The following THSD4 variants were observed in gnomAD, a reference collection of about 807,000 sequenced individuals.
THSD4 encodes the protein thrombospondin type-1 domain-containing protein 4.
THSD4 carries 69 observed loss-of-function variants against 119.0 expected under a neutral mutation model. The observed-to-expected ratio is 0.58, with a 90% CI of 0.48 to 0.71. THSD4 has a LOEUF of 0.71. Among genes scored for constraint, THSD4 ranks in the 30% least tolerant of loss-of-function variants. The pLI is 0.00. For missense variants in THSD4, 1,393 were observed against 1,391.1 expected (o/e 1.00, Z -0.02); for synonymous variants, 524 against 540.4 (o/e 0.97, Z 0.42).
rs1045233877 is a variant in THSD4, at chr15:71,396,111, C to T, written c.1016-15576C>T. On this transcript the variant is annotated intron_variant, in intron 6 of 17. Transcript: ENST00000261862. ...GTGTACCAATAGACTCTGAATGAAA[C>T]GTGTGGATGTGCACACACATATCTA... Among the ~76,000 whole-genome samples, 8 of 152,024 alleles carry T rather than the reference C, an allele frequency of 5.3e-5. No individual in the cohort carries two copies. In the East Asian group the frequency reaches 1.2e-3, roughly 22 times the overall value.
At chr15:71,674,021 C>T (rs533372543) in intron 8 of THSD4, among the ~76,000 whole-genome samples, 1 of 152,326 alleles carries the variant, frequency 6.6e-6, no homozygotes, top group African/African-American at 2.4e-5. Context: ...GGAGTAGTTG[C>T]CTCTTCCCAG....
At chr15:71,139,512 T>C (rs2040581817) in intron 1 of THSD4, among the ~76,000 whole-genome samples, 2 of 152,196 alleles carry the variant, frequency 1.3e-5, no homozygotes, top group Non-Finnish European at 2.9e-5. Flanking sequence ...TCCTGGTGGA[T>C]CTCAGTGTAA....
chr15:71,651,456 A>G (rs2051087589), intron 7 of THSD4, among the ~76,000 whole-genome samples: 1 of 151,966 alleles, frequency 6.6e-6, no homozygotes, highest in Admixed American at 6.6e-5. Context: ...AAGATCCCAC[A>G]CTTTCGTTGC....
At chr15:71,431,675 A>C (rs976577289) in intron 7 of THSD4, among the ~76,000 whole-genome samples, 20 of 152,168 alleles carry the variant, frequency 1.3e-4, no homozygotes, top group African/African-American at 4.1e-4. Context: ...TACAGACAGA[A>C]ACGTGGTCTT....
In THSD4 at chr15:71,665,723, A is replaced by G. The variant is rs531258993; in HGVS notation, c.1357+4989A>G. The stretch of plus-strand genomic sequence containing the variant: ...TTCAATCTTCTCCATATGGCTAGCC[A>G]GTTCTCCCAGGACCACTTATTGAAT... On this transcript the variant is annotated intron_variant, in intron 8 of 17. Coordinates refer to ENST00000261862, the MANE Select transcript of THSD4 (RefSeq NM_024817.3). Among the ~76,000 whole-genome samples the G allele has an allele frequency of 3.3e-5, 5 of 152,304 alleles. No homozygotes were observed. The East Asian group carries it at 9.6e-4, about 29-fold the overall frequency.
chr15:71,391,023 C>T (rs2046370148), intron 6 of THSD4, among the ~76,000 whole-genome samples: 2 of 128,690 alleles, frequency 1.6e-5, no homozygotes, highest in African/African-American at 3.0e-5. Flanking sequence ...ACCATGCCGG[C>T]TAATTTTTTT....
At chr15:71,163,247 A>G (rs2043263136) in intron 3 of THSD4, among the ~76,000 whole-genome samples, 1 of 151,412 alleles carries the variant, frequency 6.6e-6, no homozygotes. Context: ...ATCTAGTAAA[A>G]CAGTCATTTT....
intron 3 of THSD4, chr15:71,184,173 C>G (rs796660190): frequency 3.3e-5 from 5 of 151,912 alleles, no homozygotes; most frequent in African/African-American, 1.2e-4. Context: ...GGAGGGGCTC[C>G]TCTTTAAAGT....
At chr15:71,416,189 C>T (rs577806041) in intron 7 of THSD4, among the ~76,000 whole-genome samples, 2 of 152,206 alleles carry the variant, frequency 1.3e-5, no homozygotes. Context: ...TCTCATTCTT[C>T]TTTGTGTCTA....
intron 7 of THSD4, among the ~76,000 whole-genome samples, chr15:71,553,557 C>A (rs575153691): frequency 9.1e-4 from 138 of 152,260 alleles, no homozygotes; most frequent in African/African-American, 3.2e-3. Context: ...GAGCTCCTGA[C>A]CTCAGGTGAT....
At chr15:71,363,718 T>C (rs985715630) in intron 6 of THSD4, among the ~76,000 whole-genome samples, 4 of 152,172 alleles carry the variant, frequency 2.6e-5, no homozygotes, top group South Asian at 2.1e-4. Context: ...TCATCAGGTA[T>C]GCGGAAAGGA....
intron 7 of THSD4, among the ~76,000 whole-genome samples, chr15:71,415,645 T>G (rs563631630): frequency 6.6e-6 from 1 of 152,294 alleles, no homozygotes; most frequent in African/African-American, 2.4e-5. Context: ...TTTCTATTTT[T>G]TTGTACCCAT....
At chr15:71,766,867 A>C (rs2053724534) in intron 16 of THSD4, 1 of 151,084 alleles carries the variant, frequency 6.6e-6, no homozygotes, top group African/African-American at 2.4e-5. Flanking sequence ...TTGCTAAGTA[A>C]AAAAAAAAGC....
Position 71,636,850 on chromosome 15 carries a change from G to A in THSD4, c.1153-23680G>A, listed in dbSNP as rs376232283. On this transcript the variant is annotated intron_variant, in intron 7 of 17. Transcript: ENST00000261862. ...AGGCATGTGAGAAATCTACAGGCTT[G>A]ACATCTGTGGGCCAGGCGCTCTCTC... 2.6e-5 allele frequency among the ~76,000 whole-genome samples: 4 copies of A among 151,832 alleles called. No homozygotes were observed. In the South Asian group the frequency reaches 6.3e-4, roughly 24 times the overall value.
chr15:71,112,806 A>T (rs2141345702), upstream of THSD4, among the ~76,000 whole-genome samples: 1 of 152,370 alleles, frequency 6.6e-6, no homozygotes, highest in African/African-American at 2.4e-5. Flanking sequence ...ATATAACAGG[A>T]CTGAAAGATT....
At position 71,341,749 on chromosome 15, in the gene THSD4, T is replaced by G. The variant is rs750831082; in HGVS notation, c.1016-69938T>G. ...ACCTCAGGCTGCTTAGGAAAAGAGCTCTCTCCCTTTTCTTCCTTTTTTCTC... is the reference window on the plus strand; with the variant it reads ...ACCTCAGGCTGCTTAGGAAAAGAGCGCTCTCCCTTTTCTTCCTTTTTTCTC... On this transcript the variant is annotated intron_variant, in intron 6 of 17. Transcript: ENST00000261862. 51 of 862,652 alleles carry G rather than the reference T, an allele frequency of 5.9e-5. 1 individual carries two copies. The highest frequency in any genetic ancestry group is 8.5e-5 in the Non-Finnish European group (42 of 494,988). 53.4% of individuals were successfully genotyped at this position (862,652 alleles called of 1,614,324 possible). A position where few individuals can be genotyped will look rare whatever the true frequency, so the allele number is the denominator to read the frequency against.
intron 7 of THSD4, among the ~76,000 whole-genome samples, chr15:71,592,735 G>T (rs1405131439): frequency 6.6e-6 from 1 of 152,008 alleles, no homozygotes; most frequent in African/African-American, 2.4e-5. Flanking sequence ...CTGCCTCTAG[G>T]TTGAGAACAG....
At chr15:71,114,695 G>C (rs2040338860), upstream of THSD4, among the ~76,000 whole-genome samples, 2 of 152,102 alleles carry the variant, frequency 1.3e-5, no homozygotes, top group Non-Finnish European at 1.5e-5. Flanking sequence ...TAAAATGAAG[G>C]GATCAAAGTT....
Position 71,731,115 on chromosome 15 carries a change from C to T in THSD4, c.1534-6C>T, listed in dbSNP as rs2052969577. ...AGTGCGGTAACACTGATTTTTGTGT[C>T]AGCAGATGATACACCAGCAGCCAAA... On this transcript the variant is annotated splice_polypyrimidine_tract_variant and splice_region_variant and intron_variant, in intron 9 of 17. Coordinates refer to ENST00000261862, the MANE Select transcript of THSD4 (RefSeq NM_024817.3). 6.2e-7 allele frequency: 1 copy of T among 1,614,074 alleles called. No individual in the cohort carries two copies.
Sources: gnomAD v4.1 joint callset for allele counts (sites outside exome capture counted in the v4.1 genomes callset) on GRCh38, gnomAD v4.1.1 for gene constraint, MANE v1.5 for transcripts, NCBI Gene and HGNC (gene_info 2026-07-23, HGNC 2026-07-21) for gene names.